PBX4: variants seen among roughly 807,000 people sequenced by gnomAD.
PBX4 encodes PBX homeobox 4.
A neutral mutation model predicts 35.1 loss-of-function variants in PBX4; 26 were observed. The ratio of observed to expected loss-of-function variants is 0.74; its 90% CI spans 0.54 to 1.03. PBX4 has a LOEUF of 1.03. PBX4 is among the 50% of genes least tolerant of loss of function. PBX4 has a pLI of 0.00. For synonymous variants in PBX4, 199 were observed against 204.2 expected, an observed-to-expected ratio of 0.97 and a Z score of 0.22; for missense variants, 448 against 504.3, an observed-to-expected ratio of 0.89 and a Z score of 1.07.
At chr19:19,566,593 C>T (rs2061343454) in intron 5 of PBX4, among the ~76,000 whole-genome samples, 1 of 152,048 alleles carries the variant, frequency 6.6e-6, no homozygotes, top group African/African-American at 2.4e-5. Flanking sequence ...GGTGCGATCT[C>T]AGCTCACTGC....
At chr19:19,584,773 G>T (rs1413966178) in intron 2 of PBX4, among the ~76,000 whole-genome samples, 4 of 151,810 alleles carry the variant, frequency 2.6e-5, no homozygotes, top group Admixed American at 6.6e-5. Flanking sequence ...CTATAGGCAT[G>T]CACCACCATG....
At chr19:19,583,361 A>G (rs1462690857) in intron 2 of PBX4, among the ~76,000 whole-genome samples, 1 of 152,226 alleles carries the variant, frequency 6.6e-6, no homozygotes, top group Non-Finnish European at 1.5e-5. Context: ...CTGTAATCCC[A>G]GCACTTTGGG....
At chr19:19,609,875 A>G (rs1568399553) in intron 1 of PBX4, among the ~76,000 whole-genome samples, 1 of 152,026 alleles carries the variant, frequency 6.6e-6, no homozygotes, top group Non-Finnish European at 1.5e-5. Context: ...AAGAAAGAAA[A>G]ACAAACAGTG....
chr19:19,579,655 C>T (rs1296931145), intron 2 of PBX4, among the ~76,000 whole-genome samples: 1 of 152,220 alleles, frequency 6.6e-6, no homozygotes, highest in Non-Finnish European at 1.5e-5. Context: ...ATCAGATGCC[C>T]TGACTGACCC....
At chr19:19,614,786 C>A (rs1377041283) in intron 1 of PBX4, among the ~76,000 whole-genome samples, 1 of 151,900 alleles carries the variant, frequency 6.6e-6, no homozygotes, top group Non-Finnish European at 1.5e-5. Flanking sequence ...AAATCCTCGA[C>A]CTTTGGAAGG....
At chr19:19,588,400 G>T in intron 2 of PBX4, 1 of 1,348,328 alleles carries the variant, frequency 7.4e-7, no homozygotes, top group Non-Finnish European at 1.1e-6. Flanking sequence ...GATCAAATCA[G>T]GATGATGTTT....
At chr19:19,587,822 C>T (rs575101379) in intron 2 of PBX4, among the ~76,000 whole-genome samples, 1 of 151,760 alleles carries the variant, frequency 6.6e-6, no homozygotes, top group Non-Finnish European at 1.5e-5. Context: ...CAGATCTTTG[C>T]TTCTCGAATT....
intron 5 of PBX4, among the ~76,000 whole-genome samples, chr19:19,568,301 G>A (rs1187572987): frequency 1.4e-5 from 2 of 138,656 alleles, no homozygotes; most frequent in Non-Finnish European, 3.1e-5. Flanking sequence ...GTATCCCTCA[G>A]GGAGCTCACA....
chr19:19,562,106 G>C lies in PBX4; in HGVS notation c.1044C>G (p.Ser348Arg), dbSNP rs1167423827. Residue 348 changes from serine (S) to arginine (R), a missense_variant, in exon 8 of 8, where the codon AGC becomes AGG. By Grantham distance (110) the Ser-to-Arg change is moderately radical. Coordinates refer to ENST00000251203, the MANE Select transcript of PBX4 (RefSeq NM_025245.3). The surrounding 1 kb of genome is among the most constrained non-coding windows in gnomAD (Gnocchi z 4.8). ...GGCLQSQAQG[S>R]WQGATPQPAT... is the part of the protein sequence containing the mutation. ...CAGGTTGGGGGGTGGCCCCCTGCCA[G>C]CTACCCTGGGCCTGAAACGACAGAG... 1 of 1,610,710 alleles carries C rather than the reference G, an allele frequency of 6.2e-7. No individual in the cohort carries two copies. Among genetic ancestry groups the C allele is most frequent in the African/African-American group, 1.3e-5 (1 of 74,890 alleles).
Position 19,570,246 on chromosome 19 carries a change from C to G in PBX4, c.495G>C (p.Arg165Ser). Residue 165 changes from arginine (R) to serine (S), a missense_variant, in exon 4 of 8, where the codon AGG (arginine) becomes AGC (serine). Coordinates refer to ENST00000251203, the MANE Select transcript of PBX4 (RefSeq NM_025245.3). ...TCTCCTTAGGGGAGACAGGCCTCAT[C>G]CTGCTCTGCTCCTGGAGGAGGTTGG... ...HVTNLLQEQS[R>S]MRPVSPKEIE... The G allele has an allele frequency of 1.2e-6, 2 of 1,613,820 alleles. No homozygotes were observed. The highest frequency in any genetic ancestry group is 1.7e-4 in the Middle Eastern group (1 of 6,054).
At chr19:19,578,772 C>T (rs565139212) in intron 2 of PBX4, among the ~76,000 whole-genome samples, 14 of 152,276 alleles carry the variant, frequency 9.2e-5, no homozygotes, top group African/African-American at 2.9e-4. Flanking sequence ...ATTCACATGT[C>T]GAAGCCCTAA....
intron 2 of PBX4, among the ~76,000 whole-genome samples, chr19:19,578,021 A>C (rs2061431318): frequency 6.8e-6 from 1 of 147,088 alleles, no homozygotes; most frequent in Non-Finnish European, 1.5e-5. Flanking sequence ...CTACTAAAAA[A>C]AAAAAAAAAA....
At chr19:19,612,357 C>G (rs1288232893) in intron 1 of PBX4, among the ~76,000 whole-genome samples, 2 of 152,104 alleles carry the variant, frequency 1.3e-5, no homozygotes, top group African/African-American at 4.8e-5. Context: ...CTTACGGCAA[C>G]AAAACATGTT....
At chr19:19,596,671 A>G (rs2061563062) in intron 2 of PBX4, among the ~76,000 whole-genome samples, 1 of 152,086 alleles carries the variant, frequency 6.6e-6, no homozygotes, top group African/African-American at 2.4e-5. Context: ...GGTTGGGCAC[A>G]GTGGCTCACA....
At chr19:19,587,002 C>A (rs575124234) in intron 2 of PBX4, among the ~76,000 whole-genome samples, 2 of 151,914 alleles carry the variant, frequency 1.3e-5, no homozygotes, top group African/African-American at 4.8e-5. Flanking sequence ...AAACAATTTT[C>A]TTTTTCTTTT....
At chr19:19,604,426 C>T (rs2061616332) in intron 1 of PBX4, among the ~76,000 whole-genome samples, 2 of 136,574 alleles carry the variant, frequency 1.5e-5, no homozygotes, top group Non-Finnish European at 3.1e-5. Flanking sequence ...AAGATCACAT[C>T]ACTGCACTCC....
At chr19:19,576,852 G>A (rs1292050172) in intron 2 of PBX4, among the ~76,000 whole-genome samples, 1 of 151,544 alleles carries the variant, frequency 6.6e-6, no homozygotes, top group African/African-American at 2.4e-5. Context: ...GTCCTCAAGC[G>A]AGCCTCCACC....
intron 1 of PBX4, among the ~76,000 whole-genome samples, chr19:19,607,269 G>C (rs966785615): frequency 6.6e-6 from 1 of 152,026 alleles, no homozygotes. Context: ...GGCCAGACTG[G>C]TCTAGAACTC....
intron 2 of PBX4, among the ~76,000 whole-genome samples, chr19:19,596,229 T>C (rs1300913528): frequency 6.6e-6 from 1 of 151,840 alleles, no homozygotes; most frequent in Non-Finnish European, 1.5e-5. Flanking sequence ...CTGTCTCTAC[T>C]AAAAATACAA....
Sources: gnomAD v4.1 joint callset for allele counts (sites outside exome capture counted in the v4.1 genomes callset) on GRCh38, gnomAD v4.1.1 for gene constraint, Gnocchi (gnomAD v3.1) non-coding constraint, MANE v1.5 for transcripts, NCBI Gene and HGNC (gene_info 2026-07-23, HGNC 2026-07-21) for gene names.